MKX: variants seen among roughly 807,000 people sequenced by gnomAD.
The protein encoded by MKX is homeobox protein Mohawk.
A neutral mutation model predicts 36.0 loss-of-function variants in MKX; 13 were observed. The ratio of observed to expected loss-of-function variants is 0.36; its 90% confidence interval spans 0.24 to 0.57. The LOEUF (loss-of-function observed/expected upper bound fraction) is 0.57. MKX is among the 20% of genes least tolerant of loss of function. MKX has a pLI of 0.79. For synonymous variants in MKX, 176 were observed against 178.3 expected (o/e 0.99, Z 0.10); for missense variants, 458 against 456.4 (o/e 1.00, Z -0.03).
At chr10:27,698,133 G>GT (rs1350763729) in intron 5 of MKX, among the ~76,000 whole-genome samples, 1 of 152,194 alleles carries the variant, frequency 6.6e-6, no homozygotes, top group Non-Finnish European at 1.5e-5. Context: ...CTGGGAAAGT[G>GT]TTTGAGTTTT....
intron 5 of MKX, among the ~76,000 whole-genome samples, chr10:27,710,036 A>G (rs1186668586): frequency 6.6e-6 from 1 of 152,168 alleles, no homozygotes; most frequent in Non-Finnish European, 1.5e-5. Flanking sequence ...ACATATCTCA[A>G]TTTGGACTAG....
At chr10:27,721,534 C>T (rs573126339) in intron 5 of MKX, among the ~76,000 whole-genome samples, 2 of 152,260 alleles carry the variant, frequency 1.3e-5, no homozygotes, top group South Asian at 2.1e-4. Context: ...AACAGAAAAC[C>T]AAACACAGCA....
intron 5 of MKX, among the ~76,000 whole-genome samples, chr10:27,730,904 C>G (rs1349445065): frequency 6.6e-6 from 1 of 151,608 alleles, no homozygotes; most frequent in Non-Finnish European, 1.5e-5. Context: ...GGAGGCTGAG[C>G]CTGGCAGATC....
At chr10:27,728,641 G>A (rs546157771) in intron 5 of MKX, among the ~76,000 whole-genome samples, 1 of 152,182 alleles carries the variant, frequency 6.6e-6, no homozygotes, top group Non-Finnish European at 1.5e-5. Flanking sequence ...GTTTAGAACA[G>A]AATACCTTTC....
At chr10:27,724,331 C>T (rs1389016404) in intron 5 of MKX, among the ~76,000 whole-genome samples, 2 of 152,118 alleles carry the variant, frequency 1.3e-5, no homozygotes, top group African/African-American at 2.4e-5. Flanking sequence ...TTCCGGAAGA[C>T]ATGAAAAAAG....
chr10:27,695,816 AT>A (rs1836544085), intron 5 of MKX, among the ~76,000 whole-genome samples: 1 of 152,194 alleles, frequency 6.6e-6, no homozygotes, highest in African/African-American at 2.4e-5. Flanking sequence ...GAAAAAGATG[AT>A]TATTTTTATA....
chr10:27,736,929 T>A (rs889575213), intron 3 of MKX, among the ~76,000 whole-genome samples: 1 of 152,174 alleles, frequency 6.6e-6, no homozygotes, highest in Non-Finnish European at 1.5e-5. Context: ...CTAAGCTATG[T>A]TACTATTACT....
chr10:27,709,295 T>C (rs1224838098), intron 5 of MKX, among the ~76,000 whole-genome samples: 2 of 152,236 alleles, frequency 1.3e-5, no homozygotes, highest in South Asian at 2.1e-4. Context: ...TTGTATTAGG[T>C]ACTATAAGTG....
intron 5 of MKX, among the ~76,000 whole-genome samples, chr10:27,705,811 T>C (rs575888823): frequency 6.6e-6 from 1 of 152,348 alleles, no homozygotes; most frequent in East Asian, 1.9e-4. Flanking sequence ...TTCTAGCCTA[T>C]TAGCAGCCTG....
At position 27,673,331 on chromosome 10, in the gene MKX, A is replaced by G. The variant is rs1836083726; in HGVS notation, c.*1898T>C. The G allele has an allele frequency of 6.6e-6, 1 of 152,628 alleles. No individual in the cohort carries two copies. Among genetic ancestry groups the G allele is most frequent in the South Asian group, 2.1e-4 (1 of 4,834 alleles). 9.5% of individuals were successfully genotyped at this position (152,628 alleles called of 1,614,324 possible). ...TCATGACTCATTCAAATAAAATACA[A>G]CCAGCATTCATTCATTTAACTGAAA... On this transcript the variant is annotated 3_prime_UTR_variant, in exon 7 of 7. Coordinates refer to ENST00000419761, the MANE Select transcript of MKX (RefSeq NM_173576.3).
chr10:27,678,670 TGGAA>T (rs1352056894), intron 5 of MKX, among the ~76,000 whole-genome samples: 1 of 152,104 alleles, frequency 6.6e-6, no homozygotes, highest in Non-Finnish European at 1.5e-5. Context: ...AGCCTGCACG[TGGAA>T]GGAGAAGATG....
chr10:27,675,894 G>A (rs1836138028), intron 5 of MKX, among the ~76,000 whole-genome samples: 1 of 152,174 alleles, frequency 6.6e-6, no homozygotes, highest in African/African-American at 2.4e-5. Context: ...TTCTGGCCTT[G>A]CCCTACTACC....
At chr10:27,723,896 C>A (rs1020479055) in intron 5 of MKX, among the ~76,000 whole-genome samples, 1 of 152,096 alleles carries the variant, frequency 6.6e-6, no homozygotes, top group Admixed American at 6.5e-5. Flanking sequence ...GAGACTGGCT[C>A]AGCTGAAAGG....
chr10:27,686,440 AGGAAGGAAAG>A (rs1836354912), intron 5 of MKX, among the ~76,000 whole-genome samples: 1 of 137,560 alleles, frequency 7.3e-6, no homozygotes, highest in Non-Finnish European at 1.5e-5. Flanking sequence ...GAAGGAAGGA[AGGAAGGAAAG>A]AGGGGGAAGA....
intron 5 of MKX, among the ~76,000 whole-genome samples, chr10:27,682,751 C>T (rs1362782121): frequency 6.6e-6 from 1 of 151,846 alleles, no homozygotes; most frequent in African/African-American, 2.4e-5. Flanking sequence ...GAGGCCGAGG[C>T]GGGTGGATCA....
At chr10:27,740,555 G>A (rs1834871322) in intron 3 of MKX, among the ~76,000 whole-genome samples, 1 of 152,236 alleles carries the variant, frequency 6.6e-6, no homozygotes, top group East Asian at 1.9e-4. Context: ...ACAACATCGT[G>A]GTTTTGTGAA....
At chr10:27,734,924 G>A (rs1278003066) in intron 4 of MKX, 133 bp from the exon 5 acceptor site, 4 of 567,352 alleles carry the variant, frequency 7.1e-6, no homozygotes, top group Admixed American at 8.1e-5. Flanking sequence ...TGATAGTCAA[G>A]ATCAATTTTT....
In MKX at chr10:27,742,797, C is replaced by T. The variant is rs1025582197; in HGVS notation, c.188+431G>A. The stretch of plus-strand genomic sequence containing the variant: ...AGCCGCGGGGCTCTGGCGAGGGGCT[C>T]GAGTGACCGAAGAGAAGTCCGCGGA... On this transcript the variant is annotated intron_variant, in intron 2 of 6. Coordinates refer to ENST00000419761, the MANE Select transcript of MKX (RefSeq NM_173576.3). This position sits in a 1 kb window ranked among gnomAD's most constrained non-coding sequence, Gnocchi z 4.2. Among the ~76,000 whole-genome samples, 4 of 152,052 alleles carry T rather than the reference C, an allele frequency of 2.6e-5. No homozygotes were observed. The highest frequency in any genetic ancestry group is 4.8e-5 in the African/African-American group (2 of 41,436).
At chr10:27,715,759 T>C (rs1589679876) in intron 5 of MKX, among the ~76,000 whole-genome samples, 1 of 152,292 alleles carries the variant, frequency 6.6e-6, no homozygotes, top group South Asian at 2.1e-4. Flanking sequence ...CATACTTTAC[T>C]GACGTCAGCT....
Sources: allele counts gnomAD v4.1 joint callset (sites outside exome capture counted in the v4.1 genomes callset), GRCh38; gene constraint gnomAD v4.1.1; non-coding constraint Gnocchi (gnomAD v3.1); transcripts MANE v1.5; gene names NCBI Gene and HGNC (gene_info 2026-07-23, HGNC 2026-07-21).